The following ERC2 variants were observed in gnomAD, a reference collection of about 807,000 sequenced individuals.
The protein encoded by ERC2 is ELKS/RAB6-interacting/CAST family member 2.
ERC2 carries 42 observed loss-of-function variants against 114.8 expected under a neutral mutation model. The ratio of observed to expected loss-of-function variants is 0.37; its 90% CI spans 0.29 to 0.47. ERC2 has a LOEUF of 0.47. Among genes scored for constraint, ERC2 ranks in the 20% least tolerant of loss-of-function variants. The probability of loss-of-function intolerance (pLI) is 0.99; values close to 1 mark genes in which losing one functional copy is unlikely to be tolerated. For synonymous variants in ERC2, 454 were observed against 425.5 expected (o/e 1.07, Z -0.82); for missense variants, 939 against 1,150.7 (o/e 0.82, Z 2.66).
At chr3:56,090,555 A>C (rs1409971832) in intron 6 of ERC2, among the ~76,000 whole-genome samples, 1 of 152,228 alleles carries the variant, frequency 6.6e-6, no homozygotes, top group Non-Finnish European at 1.5e-5. Context: ...TTAGCATAAG[A>C]GTGGAGTAAA....
intron 6 of ERC2, among the ~76,000 whole-genome samples, chr3:56,089,699 G>A (rs570119005): frequency 2.6e-5 from 4 of 152,130 alleles, no homozygotes; most frequent in South Asian, 2.1e-4. Flanking sequence ...TATGACTCCT[G>A]TAAGCCCAAA....
intron 3 of ERC2, among the ~76,000 whole-genome samples, chr3:56,224,060 C>T (rs2050097030): frequency 6.6e-6 from 1 of 152,182 alleles, no homozygotes; most frequent in Non-Finnish European, 1.5e-5. Flanking sequence ...TTCATATACT[C>T]ACAGAGTTAT....
At chr3:55,574,262 C>T (rs547088399) in intron 17 of ERC2, among the ~76,000 whole-genome samples, 305 of 152,304 alleles carry the variant, frequency 2.0e-3, no homozygotes, top group African/African-American at 7.0e-3. Flanking sequence ...CTTCCAGATT[C>T]CTCCTGTTTC....
At chr3:55,512,169 G>T (rs528785836) in intron 17 of ERC2, among the ~76,000 whole-genome samples, 1 of 152,238 alleles carries the variant, frequency 6.6e-6, no homozygotes, top group African/African-American at 2.4e-5. Context: ...TTCGAGTCAC[G>T]CCGACTAACA....
chr3:55,622,317 C>A (rs2649859), intron 17 of ERC2, among the ~76,000 whole-genome samples: 2 of 152,154 alleles, frequency 1.3e-5, no homozygotes, highest in Non-Finnish European at 2.9e-5. Context: ...GAGAAGGCAC[C>A]ACCTCAGCAG....
At position 55,510,246 on chromosome 3, in the gene ERC2, T is replaced by G. The variant is rs1039364892; in HGVS notation, c.*1070A>C. On this transcript the variant is annotated 3_prime_UTR_variant, in exon 18 of 18. Coordinates refer to ENST00000288221, the MANE Select transcript of ERC2 (RefSeq NM_015576.3). ...GATGCTGAAAATGCTTTGGAATCCA[T>G]GTTGCAGACACATTTTCTTTAAAAA... The G allele has an allele frequency of 6.9e-5, 10 of 145,976 alleles. No homozygotes were observed. Among genetic ancestry groups the G allele is most frequent in the African/African-American group, 2.6e-4 (10 of 38,008 alleles). 9.0% of individuals were successfully genotyped at this position (145,976 alleles called of 1,614,324 possible). A position where few individuals can be genotyped will look rare whatever the true frequency, so the allele number is the denominator to read the frequency against.
chr3:55,522,363 CAG>C (rs1359342199), intron 17 of ERC2, among the ~76,000 whole-genome samples: 1 of 152,164 alleles, frequency 6.6e-6, no homozygotes, highest in Non-Finnish European at 1.5e-5. Flanking sequence ...TTTTGGTCTG[CAG>C]AGTTGAAAGT....
At chr3:55,978,217 G>A (rs112896490) in intron 12 of ERC2, among the ~76,000 whole-genome samples, 5 of 152,316 alleles carry the variant, frequency 3.3e-5, no homozygotes, top group African/African-American at 1.2e-4. Context: ...AAAGGCAGTA[G>A]CTGAATCCTG....
intron 12 of ERC2, among the ~76,000 whole-genome samples, chr3:55,965,363 T>G (rs1175444560): frequency 2.0e-5 from 3 of 152,260 alleles, no homozygotes; most frequent in Non-Finnish European, 4.4e-5. Flanking sequence ...TTTTTAAATA[T>G]TATTTAATTT....
intron 3 of ERC2, among the ~76,000 whole-genome samples, chr3:56,186,114 T>TAAAAAAAAAAAAAA (rs201544979): frequency 3.9e-5 from 4 of 102,538 alleles, no homozygotes; most frequent in Admixed American, 1.1e-4. Context: ...TCAAGAACCT[T>TAAAAAAAAAAAAAA]AAAAAAAAAA....
chr3:55,563,168 G>A lies in ERC2; in HGVS notation c.*40-51892C>T, dbSNP rs186315432. Among the ~76,000 whole-genome samples, 54 of 152,224 alleles carry A rather than the reference G, an allele frequency of 3.5e-4. 1 individual carries two copies. In the East Asian group the frequency reaches 9.3e-3, roughly 26 times the overall value. ...AGAGGATGAAGGTGCTGTTTGGAAG[G>A]CTGAGCTTCTAAAACCTTCATTGGT... On this transcript the variant is annotated intron_variant, in intron 17 of 17. Transcript: ENST00000288221.
At chr3:55,828,941 C>T (rs2060453115) in intron 14 of ERC2, among the ~76,000 whole-genome samples, 1 of 152,058 alleles carries the variant, frequency 6.6e-6, no homozygotes, top group East Asian at 1.9e-4. Flanking sequence ...AATTCCAGAC[C>T]AGCTTGGTCA....
Position 55,930,384 on chromosome 3 carries a change from T to C in ERC2, c.2403+20041A>G, listed in dbSNP as rs534848462. ...GGTTATTCTTGAAATCAAAACAGCATGGTACTGGTACCAAAACAGAGATAT... is the reference window on the plus strand; with the variant it reads ...GGTTATTCTTGAAATCAAAACAGCACGGTACTGGTACCAAAACAGAGATAT... On this transcript the variant is annotated intron_variant, in intron 13 of 17. Coordinates refer to ENST00000288221, the MANE Select transcript of ERC2 (RefSeq NM_015576.3). 5.3e-5 allele frequency among the ~76,000 whole-genome samples: 8 copies of C among 152,260 alleles called. No individual in the cohort carries two copies. The South Asian group carries it at 8.3e-4, about 16-fold the overall frequency.
At chr3:55,951,668 C>T (rs932557387) in intron 12 of ERC2, among the ~76,000 whole-genome samples, 1 of 152,036 alleles carries the variant, frequency 6.6e-6, no homozygotes, top group Non-Finnish European at 1.5e-5. Context: ...AGAGGAGGGA[C>T]GAGCAGCAGA....
At chr3:56,403,562 C>T (rs1472354398) in intron 2 of ERC2, among the ~76,000 whole-genome samples, 6 of 152,142 alleles carry the variant, frequency 3.9e-5, no homozygotes, top group African/African-American at 1.2e-4. Context: ...CCGGCAGTAT[C>T]GGCATCATCT....
chr3:55,557,340 G>A (rs1304451403), intron 17 of ERC2, among the ~76,000 whole-genome samples: 2 of 152,172 alleles, frequency 1.3e-5, no homozygotes, highest in Non-Finnish European at 2.9e-5. Flanking sequence ...ACAAAGGGCA[G>A]ACATCAGGAA....
At chr3:55,867,198 C>T (rs2062362194) in intron 14 of ERC2, among the ~76,000 whole-genome samples, 1 of 151,576 alleles carries the variant, frequency 6.6e-6, no homozygotes, top group Non-Finnish European at 1.5e-5. Flanking sequence ...CCCTTATTTA[C>T]TTCCAAATTT....
intron 15 of ERC2, among the ~76,000 whole-genome samples, chr3:55,719,088 C>A (rs1210111853): frequency 1.3e-5 from 2 of 152,160 alleles, no homozygotes; most frequent in Non-Finnish European, 2.9e-5. Context: ...CCGAATTAAG[C>A]CCTGAGAATT....
chr3:56,058,333 C>CA (rs142887730), intron 7 of ERC2, among the ~76,000 whole-genome samples: 2 of 152,292 alleles, frequency 1.3e-5, no homozygotes, highest in Non-Finnish European at 2.9e-5. Context: ...TTGGAAAAGC[C>CA]TTACCTTCAG....
Sources: allele counts gnomAD v4.1 joint callset (sites outside exome capture counted in the v4.1 genomes callset), GRCh38; gene constraint gnomAD v4.1.1; transcripts MANE v1.5; gene names NCBI Gene and HGNC (gene_info 2026-07-23, HGNC 2026-07-21).